TMEM17: variants seen among roughly 807,000 people sequenced by gnomAD.
TMEM17 encodes the protein transmembrane protein 17.
In TMEM17, 15 loss-of-function variants were observed where a neutral mutation model predicts 19.1. The observed-to-expected ratio is 0.78, with a 90% CI of 0.52 to 1.21. The LOEUF (loss-of-function observed/expected upper bound fraction) is 1.21, where lower values mean the gene tolerates loss of function less well. Among genes scored for constraint, TMEM17 ranks in the 50% most tolerant of loss-of-function variants. The pLI is 0.00. For synonymous variants in TMEM17, 103 were observed against 86.9 expected, an observed-to-expected ratio of 1.19 and a Z score of -1.03; for missense variants, 245 against 242.3, an observed-to-expected ratio of 1.01 and a Z score of -0.07.
downstream of TMEM17, among the ~76,000 whole-genome samples, chr2:62,499,934 C>T (rs1008903504): frequency 6.6e-6 from 1 of 152,220 alleles, no homozygotes; most frequent in African/African-American, 2.4e-5. Flanking sequence ...GGAGCATGCT[C>T]ATTTAGGATC....
chr2:62,456,984 T>A, the TMEM17 span, among the ~76,000 whole-genome samples: 1 of 152,186 alleles, frequency 6.6e-6, no homozygotes, highest in African/African-American at 2.4e-5. Flanking sequence ...GCTAACCACC[T>A]CCACGCGGGG....
chr2:62,478,276 G>A, the TMEM17 span, among the ~76,000 whole-genome samples: 1 of 152,162 alleles, frequency 6.6e-6, no homozygotes, highest in Non-Finnish European at 1.5e-5. Context: ...CAGTTCATGT[G>A]ACAGGATGGA....
chr2:62,501,357 A>C lies in TMEM17; in HGVS notation c.449T>G (p.Phe150Cys). 6.2e-7 allele frequency: 1 copy of C among 1,614,226 alleles called. No homozygotes were observed. The highest frequency in any genetic ancestry group is 8.5e-7 in the Non-Finnish European group (1 of 1,180,044). ...TGCTGCAACAACTTGGAAAGCAAGG[A>C]AGAGAGTGAAGATGATATGTATCGC... ...EKAIHIIFTL[F>C]LAFQVVAAFL... is the part of the protein sequence containing the mutation. The change falls in exon 4 of 4, where the codon TTC becomes TGC. Residue 150 changes from phenylalanine (F) to cysteine (C), a missense_variant. By Grantham distance (205) the Phe-to-Cys change is radical. Transcript: ENST00000335390.
chr2:62,504,012 T>C (rs1680000595), intron 1 of TMEM17, among the ~76,000 whole-genome samples: 1 of 152,220 alleles, frequency 6.6e-6, no homozygotes, highest in South Asian at 2.1e-4. Context: ...AGCAGACACA[T>C]ATATTGAAAT....
At chr2:62,493,892 A>G in the TMEM17 span, among the ~76,000 whole-genome samples, 372 of 152,164 alleles carry the variant, frequency 2.4e-3, 3 homozygotes, top group African/African-American at 7.4e-3. Context: ...TCTTCTACAC[A>G]CCTTATATTT....
the TMEM17 span, among the ~76,000 whole-genome samples, chr2:62,489,098 C>A: frequency 6.6e-6 from 1 of 152,156 alleles, no homozygotes; most frequent in Non-Finnish European, 1.5e-5. Flanking sequence ...GGCCCAGCAT[C>A]TCAGAAAGCA....
chr2:62,464,601 T>C, the TMEM17 span, among the ~76,000 whole-genome samples: 2 of 152,248 alleles, frequency 1.3e-5, no homozygotes, highest in African/African-American at 2.4e-5. Flanking sequence ...CCTTGCCTGC[T>C]GCCTAGACAG....
the TMEM17 span, among the ~76,000 whole-genome samples, chr2:62,459,038 A>G: frequency 1.3e-5 from 2 of 152,230 alleles, no homozygotes; most frequent in African/African-American, 4.8e-5. Flanking sequence ...TCTTGGATAA[A>G]TATCCAGGAG....
chr2:62,484,863 A>G, the TMEM17 span, among the ~76,000 whole-genome samples: 1 of 152,166 alleles, frequency 6.6e-6, no homozygotes, highest in Non-Finnish European at 1.5e-5. Context: ...GAGCTGGTGG[A>G]GAATTACATA....
chr2:62,502,440 C>T lies in TMEM17; in HGVS notation c.315G>A (p.Glu105=). The part of the protein sequence containing the change: ...LYLGYVGNLQ[E]KVPELAGFWL... The stretch of plus-strand genomic sequence containing the variant: ...GAGAAAGGAAAAAAGAGCTTACCTT[C>T]TCCTGTAGGTTACCCACGTAGCCCA... Residue 105 remains glutamate, a synonymous_variant, in exon 3 of 4, where the codon GAG becomes GAA. Transcript: ENST00000335390. 1.3e-6 allele frequency: 2 copies of T among 1,590,622 alleles called. No homozygotes were observed. The highest frequency in any genetic ancestry group is 1.1e-5 in the South Asian group (1 of 90,364).
chr2:62,483,904 G>A, the TMEM17 span, among the ~76,000 whole-genome samples: 6 of 152,014 alleles, frequency 3.9e-5, no homozygotes, highest in East Asian at 7.8e-4. Flanking sequence ...CCCGGCCTAC[G>A]ATACAGATTT....
the TMEM17 span, among the ~76,000 whole-genome samples, chr2:62,482,831 T>G: frequency 1.3e-5 from 2 of 152,224 alleles, no homozygotes; most frequent in East Asian, 1.9e-4. Flanking sequence ...TCACCCAGGT[T>G]GCATAAGCCT....
At chr2:62,458,450 C>T in the TMEM17 span, among the ~76,000 whole-genome samples, 5 of 152,312 alleles carry the variant, frequency 3.3e-5, no homozygotes, top group East Asian at 9.7e-4. Flanking sequence ...AGCCAGACCA[C>T]GTGGGTTCAA....
the TMEM17 span, among the ~76,000 whole-genome samples, chr2:62,490,834 T>C: frequency 3.3e-5 from 5 of 152,162 alleles, no homozygotes; most frequent in East Asian, 9.7e-4. Flanking sequence ...CCTGTCACTT[T>C]GGGAGGCCAA....
At position 62,501,377 on chromosome 2, in the gene TMEM17, T is replaced by C. The variant is rs1437603718; in HGVS notation, c.429A>G (p.Ile143Met). 3.7e-6 allele frequency: 6 copies of C among 1,614,188 alleles called. No individual in the cohort carries two copies. The highest frequency in any genetic ancestry group is 1.3e-5 in the African/African-American group (1 of 75,068). ...CAAGGAAGAGAGTGAAGATGATATG[T>C]ATCGCTTTTTCCAAGGGCAGATTTG... ...GLTNLPLEKA[I>M]HIIFTLFLAF... The change falls in exon 4 of 4, where the codon ATA becomes ATG. Residue 143 changes from isoleucine to methionine, a missense_variant. Coordinates refer to ENST00000335390, the MANE Select transcript of TMEM17 (RefSeq NM_198276.3).
chr2:62,466,652 T>G, the TMEM17 span, among the ~76,000 whole-genome samples: 83 of 152,244 alleles, frequency 5.5e-4, no homozygotes, highest in Non-Finnish European at 1.0e-3. Context: ...AGGAAGCAGC[T>G]TATTTGAGGG....
downstream of TMEM17, among the ~76,000 whole-genome samples, chr2:62,498,344 G>A (rs1348971639): frequency 6.6e-6 from 1 of 151,456 alleles, no homozygotes; most frequent in Non-Finnish European, 1.5e-5. Context: ...CCGAGATCAC[G>A]CCACTGCACT....
chr2:62,491,093 A>C, the TMEM17 span: 3 of 151,904 alleles, frequency 2.0e-5, no homozygotes, highest in South Asian at 2.1e-4. Flanking sequence ...AAAAAAAAAA[A>C]AAAAAAAAAA....
chr2:62,495,821 C>T (rs1013059249), downstream of TMEM17, among the ~76,000 whole-genome samples: 1 of 152,160 alleles, frequency 6.6e-6, no homozygotes, highest in African/African-American at 2.4e-5. Context: ...CCAATCTTGG[C>T]TTATCACTAT....
Sources: gnomAD v4.1 joint callset for allele counts (sites outside exome capture counted in the v4.1 genomes callset) on GRCh38, gnomAD v4.1.1 for gene constraint, MANE v1.5 for transcripts, NCBI Gene and HGNC (gene_info 2026-07-23, HGNC 2026-07-21) for gene names.